FBXL17: variants seen among roughly 807,000 people sequenced by gnomAD.
FBXL17 encodes F-box/LRR-repeat protein 17.
FBXL17 carries 22 observed loss-of-function variants against 66.2 expected under a neutral mutation model. The ratio of observed to expected loss-of-function variants is 0.33; its 90% CI spans 0.24 to 0.47. The LOEUF is 0.47. Ranked by LOEUF, FBXL17 falls within the 20% of genes least tolerant of loss-of-function variation. The probability of loss-of-function intolerance (pLI) is 1.00; values close to 1 mark genes in which losing one functional copy is unlikely to be tolerated. For synonymous variants in FBXL17, 474 were observed against 400.5 expected (o/e 1.18, Z -2.19); for missense variants, 878 against 948.2 (o/e 0.93, Z 0.97).
intron 4 of FBXL17, among the ~76,000 whole-genome samples, chr5:108,264,654 T>C (rs56166411): frequency 0.29 from 44,295 of 151,928 alleles, 6,736 homozygotes; most frequent in South Asian, 0.44. Flanking sequence ...AGAATTTTCA[T>C]CTAGAAACCT....
intron 4 of FBXL17, among the ~76,000 whole-genome samples, chr5:108,320,838 A>G (rs1217630609): frequency 6.6e-6 from 1 of 151,802 alleles, no homozygotes; most frequent in Non-Finnish European, 1.5e-5. Context: ...GGTTTTCTTA[A>G]AACAAATTCG....
At chr5:107,932,420 T>C (rs973695711) in intron 7 of FBXL17, among the ~76,000 whole-genome samples, 1 of 152,170 alleles carries the variant, frequency 6.6e-6, no homozygotes, top group Admixed American at 6.5e-5. Context: ...ATGACCTCCA[T>C]GTGGCTAGCA....
intron 6 of FBXL17, among the ~76,000 whole-genome samples, chr5:108,023,655 G>C (rs1290432381): frequency 6.6e-6 from 1 of 152,126 alleles, no homozygotes. Context: ...ACAAGTCTGT[G>C]AACATACTTA....
intron 6 of FBXL17, among the ~76,000 whole-genome samples, chr5:108,070,071 T>C (rs748284632): frequency 3.3e-5 from 5 of 152,242 alleles, no homozygotes; most frequent in Non-Finnish European, 5.9e-5. Flanking sequence ...TAAAACATCA[T>C]ATTAAGTAGA....
chr5:107,948,829 T>C (rs372835012), intron 7 of FBXL17, among the ~76,000 whole-genome samples: 1 of 152,242 alleles, frequency 6.6e-6, no homozygotes, highest in Non-Finnish European at 1.5e-5. Context: ...ATAAAGTGCT[T>C]AAGATAGCTC....
intron 6 of FBXL17, among the ~76,000 whole-genome samples, chr5:108,159,068 T>A (rs1752107674): frequency 6.6e-6 from 1 of 152,158 alleles, no homozygotes; most frequent in Non-Finnish European, 1.5e-5. Flanking sequence ...CAATTAGTAA[T>A]GCAATCTTTT....
At chr5:107,961,396 TG>T (rs1336204238) in intron 7 of FBXL17, among the ~76,000 whole-genome samples, 1 of 151,704 alleles carries the variant, frequency 6.6e-6, no homozygotes, top group Non-Finnish European at 1.5e-5. Flanking sequence ...GGCTAATTTT[TG>T]TAATTTTTTT....
At chr5:108,120,727 G>A (rs1166829962) in intron 6 of FBXL17, among the ~76,000 whole-genome samples, 4 of 152,154 alleles carry the variant, frequency 2.6e-5, no homozygotes, top group Non-Finnish European at 4.4e-5. Flanking sequence ...TAGCTACTCA[G>A]AAGGCTGAGG....
chr5:108,114,197 T>C (rs968710803), intron 6 of FBXL17, among the ~76,000 whole-genome samples: 3 of 152,166 alleles, frequency 2.0e-5, no homozygotes, highest in Non-Finnish European at 2.9e-5. Context: ...TGTACGAACA[T>C]AACATGTACA....
At chr5:107,871,981 TA>T (rs1197377503) in intron 8 of FBXL17, among the ~76,000 whole-genome samples, 2 of 152,136 alleles carry the variant, frequency 1.3e-5, no homozygotes, top group African/African-American at 4.8e-5. Flanking sequence ...ACATAAAGGA[TA>T]AGGTAGTGGT....
In FBXL17 at chr5:108,021,012, C is replaced by T. The variant is rs1442257918; in HGVS notation, c.1746-11G>A. ...ATGACCTCCACACACCTGAAACATA[C>T]AAAAAGTGGTTATACTAATGCGTTT... On this transcript the variant is annotated splice_polypyrimidine_tract_variant and intron_variant, in intron 6 of 8. Coordinates refer to ENST00000542267, the MANE Select transcript of FBXL17 (RefSeq NM_001163315.3). 2.5e-6 allele frequency: 4 copies of T among 1,602,500 alleles called. No individual in the cohort carries two copies. The highest frequency in any genetic ancestry group is 1.7e-4 in the Middle Eastern group (1 of 6,006).
rs961440790 is a variant in FBXL17, at chr5:107,973,562, G to C, written c.1822+47363C>G. On this transcript the variant is annotated intron_variant, in intron 7 of 8. Transcript: ENST00000542267. ...CCTCTGCTGACAGTATAGTTTTTCT[G>C]TCTCTCTCAGGATATAACCTTGAAT... is the stretch of plus-strand genomic sequence containing the variant. Among the ~76,000 whole-genome samples the C allele has an allele frequency of 3.3e-5, 5 of 151,932 alleles. No homozygotes were observed. The South Asian group carries it at 1.0e-3, about 31-fold the overall frequency.
intron 6 of FBXL17, among the ~76,000 whole-genome samples, chr5:108,086,024 C>T: frequency 6.6e-6 from 1 of 152,074 alleles, no homozygotes; most frequent in East Asian, 1.9e-4. Flanking sequence ...TTTTTTCTGC[C>T]CCTACCAAAA....
chr5:108,258,527 G>C (rs1320436616), intron 4 of FBXL17, among the ~76,000 whole-genome samples: 2 of 152,096 alleles, frequency 1.3e-5, no homozygotes, highest in African/African-American at 4.8e-5. Flanking sequence ...GAGATTCCTA[G>C]AAGTAGAATA....
At chr5:108,284,306 A>G (rs968976894) in intron 4 of FBXL17, among the ~76,000 whole-genome samples, 1 of 151,924 alleles carries the variant, frequency 6.6e-6, no homozygotes, top group Admixed American at 6.6e-5. Context: ...TATTCAATCA[A>G]CCTAAGTGTC....
chr5:108,150,941 G>A (rs910886995), intron 6 of FBXL17, among the ~76,000 whole-genome samples: 7 of 152,030 alleles, frequency 4.6e-5, no homozygotes, highest in Non-Finnish European at 7.4e-5. Context: ...CTTTCCACAC[G>A]GTCATTTTAT....
chr5:107,896,848 A>C (rs1749401900), intron 7 of FBXL17, among the ~76,000 whole-genome samples: 1 of 45,300 alleles, frequency 2.2e-5, no homozygotes, highest in Non-Finnish European at 3.7e-5. Flanking sequence ...CAGGCATGAA[A>C]ATTTGGCATT....
At chr5:107,943,396 A>G (rs1241893919) in intron 7 of FBXL17, among the ~76,000 whole-genome samples, 4 of 152,062 alleles carry the variant, frequency 2.6e-5, no homozygotes, top group Non-Finnish European at 4.4e-5. Context: ...AGCCATGACC[A>G]TCCACCTTTT....
chr5:108,143,727 A>G (rs111358706), intron 6 of FBXL17, among the ~76,000 whole-genome samples: 10 of 15,838 alleles, frequency 6.3e-4, no homozygotes, highest in South Asian at 5.3e-3. Context: ...TTTTCATGGG[A>G]AAAAAAAAAA....
Sources: gnomAD v4.1 joint callset for allele counts (sites outside exome capture counted in the v4.1 genomes callset) on GRCh38, gnomAD v4.1.1 for gene constraint, MANE v1.5 for transcripts, NCBI Gene and HGNC (gene_info 2026-07-23, HGNC 2026-07-21) for gene names.